Variants in CEP76 observed in about 807,000 individuals in gnomAD.
CEP76 encodes the protein centrosomal protein 76.
A neutral mutation model predicts 83.3 loss-of-function variants in CEP76; 55 were observed. The observed-to-expected ratio is 0.66, with a 90% confidence interval of 0.53 to 0.83. CEP76 has a LOEUF of 0.83. Ranked by LOEUF, CEP76 falls within the 40% of genes least tolerant of loss-of-function variation. The probability of loss-of-function intolerance (pLI) is 0.00; values close to 1 mark genes in which losing one functional copy is unlikely to be tolerated. For synonymous variants in CEP76, 270 were observed against 274.5 expected (o/e 0.98, Z 0.16); for missense variants, 694 against 799.5 (o/e 0.87, Z 1.59).
chr18:12,695,225 CA>C, intron 6 of CEP76, 28 bp downstream of exon 6: 9 of 1,042,170 alleles, frequency 8.6e-6, no homozygotes, highest in South Asian at 6.7e-5. Flanking sequence ...AACAAACACA[CA>C]AAAAAAGAGA....
intron 7 of CEP76, among the ~76,000 whole-genome samples, chr18:12,689,575 T>C (rs925876091): frequency 3.5e-5 from 5 of 143,120 alleles, no homozygotes; most frequent in African/African-American, 1.2e-4. Flanking sequence ...GAGGAAGTCG[T>C]TTAAGTAATA....
At chr18:12,687,169 T>C (rs1355336126) in intron 7 of CEP76, among the ~76,000 whole-genome samples, 1 of 152,128 alleles carries the variant, frequency 6.6e-6, no homozygotes, top group African/African-American at 2.4e-5. Context: ...GGCCACTTAC[T>C]ATTCAAGATT....
rs1156259925 is a variant in CEP76 at position 12,699,853 on chromosome 18, T to A, written c.272A>T (p.Asp91Val). The change falls in exon 3 of 12, where the codon GAT becomes GTT. Residue 91 changes from aspartate to valine, a missense_variant. Asp to Val is a radical substitution (Grantham distance 152, BLOSUM62 -3). Coordinates refer to ENST00000262127, the MANE Select transcript of CEP76 (RefSeq NM_024899.4). ...ACTTTTTTTTAATGTCGATTGTCTA[T>A]CAAAACAAATAGGTTGTTTTGGAGA... ...PSSPKQPICF[D>V]RQSTLKKTNI... 6.3e-7 allele frequency: 1 copy of A among 1,587,574 alleles called. No homozygotes were observed. Among genetic ancestry groups the A allele is most frequent in the Admixed American group, 1.7e-5 (1 of 57,328 alleles).
chr18:12,700,412 T>G lies in CEP76; in HGVS notation c.220-507A>C, dbSNP rs1386451428. The G allele has an allele frequency of 2.0e-5, 3 of 152,720 alleles. No homozygotes were observed. In the East Asian group the frequency reaches 5.8e-4, roughly 29 times the overall value. The allele number at this position is 152,720 out of a possible 1,614,324, so 9.5% of individuals were successfully genotyped here. ...ACATTATATTACCCAGGTATTGAGG[T>G]CACAGTTTCCATTATTGCCTCACTT... is the stretch of plus-strand genomic sequence containing the variant. On this transcript the variant is annotated intron_variant, in intron 2 of 11. Transcript: ENST00000262127.
Position 12,699,893 on chromosome 18 carries a change from G to C in CEP76, c.232C>G (p.Gln78Glu), listed in dbSNP as rs1332707083. The C allele has an allele frequency of 4.4e-6, 7 of 1,593,802 alleles. No homozygotes were observed. The highest frequency in any genetic ancestry group is 3.5e-5 in the Admixed American group (2 of 57,642). ...ELNFVTDSVE[Q>E]ELPSSPKQPI... Reference sequence around the variant, plus strand: ...TGTTTTGGAGAGGAAGGGAGTTCTTGCTCAACACTGTCCTAGAAAGGCAGG... The same window carrying C: ...TGTTTTGGAGAGGAAGGGAGTTCTTCCTCAACACTGTCCTAGAAAGGCAGG... Residue 78 changes from glutamine (Q) to glutamate (E), a missense_variant, in exon 3 of 12, where the codon CAA (glutamine) becomes GAA (glutamate). Coordinates refer to ENST00000262127, the MANE Select transcript of CEP76 (RefSeq NM_024899.4).
downstream of CEP76, among the ~76,000 whole-genome samples, chr18:12,668,597 C>CAAAAAAAAAAAAAAAAAAAAAAAA: frequency 1.4e-5 from 1 of 72,836 alleles, no homozygotes. Context: ...GATTCCATCT[C>CAAAAAAAAAAAAAAAAAAAAAAAA]AAAAAAAAAA....
At position 12,672,970 on chromosome 18, in the gene CEP76, T is replaced by C; in HGVS notation, c.*395A>G. On this transcript the variant is annotated 3_prime_UTR_variant, in exon 12 of 12. Transcript: ENST00000262127. ...CCTAATCTGTATAAAATAATTCCAT[T>C]AACCTGTGAAAAGTAATGATCATAC... 5 of 986,982 alleles carry C rather than the reference T, an allele frequency of 5.1e-6. No homozygotes were observed. Among genetic ancestry groups the C allele is most frequent in the Non-Finnish European group, 6.0e-6 (5 of 830,598 alleles). 61.1% of individuals were successfully genotyped at this position (986,982 alleles called of 1,614,324 possible). A position where few individuals can be genotyped will look rare whatever the true frequency, so the allele number is the denominator to read the frequency against.
intron 10 of CEP76, among the ~76,000 whole-genome samples, chr18:12,677,072 G>C (rs753181644): frequency 6.6e-6 from 1 of 152,158 alleles, no homozygotes; most frequent in South Asian, 2.1e-4. Context: ...AAGTCTTTAA[G>C]ATACATTAAT....
intron 8 of CEP76, chr18:12,685,495 G>GT (rs2039509891): frequency 1.3e-5 from 2 of 152,160 alleles, no homozygotes; most frequent in Non-Finnish European, 2.9e-5. Context: ...AAGATGCTGA[G>GT]TTTTTTGTGT....
At chr18:12,698,939 G>A in intron 4 of CEP76, 40 bp downstream of exon 4, 2 of 1,358,100 alleles carry the variant, frequency 1.5e-6, no homozygotes, top group Non-Finnish European at 2.1e-6. Flanking sequence ...ACATAACAAA[G>A]ATTTACTCAA....
intron 11 of CEP76, 46 bp from the exon 12 acceptor site, chr18:12,673,549 C>A: frequency 7.1e-7 from 1 of 1,405,078 alleles, no homozygotes; most frequent in Admixed American, 2.5e-5. Context: ...TGACCATACA[C>A]TTTAATTCCT....
intron 1 of CEP76, among the ~76,000 whole-genome samples, chr18:12,702,231 G>A (rs115342350): frequency 1.3e-5 from 2 of 152,278 alleles, no homozygotes; most frequent in Admixed American, 6.5e-5. Context: ...CATTCTCACG[G>A]CCGTCCTAAA....
At position 12,673,309 on chromosome 18, in the gene CEP76, T is replaced by C; in HGVS notation, c.*56A>G. Reference sequence around the variant, plus strand: ...CAAACCTCTAAATAGCTAAGTAATGTACAATGTGTAAAATTCCAATTAAAC... The same window carrying C: ...CAAACCTCTAAATAGCTAAGTAATGCACAATGTGTAAAATTCCAATTAAAC... On this transcript the variant is annotated 3_prime_UTR_variant, in exon 12 of 12. Transcript: ENST00000262127. The C allele has an allele frequency of 6.4e-7, 1 of 1,559,176 alleles. No homozygotes were observed. The highest frequency in any genetic ancestry group is 1.2e-5 in the South Asian group (1 of 83,028).
intron 5 of CEP76, 129 bp from the exon 6 acceptor site, chr18:12,695,480 C>T: frequency 2.2e-6 from 1 of 465,036 alleles, no homozygotes. Flanking sequence ...TAACATTCAA[C>T]ATTACCTTTA....
chr18:12,680,495 C>T (rs367561574), intron 9 of CEP76, among the ~76,000 whole-genome samples, 167 bp downstream of exon 9: 50 of 148,988 alleles, frequency 3.4e-4, no homozygotes, highest in African/African-American at 1.1e-3. Flanking sequence ...ACTTGGGAGG[C>T]TGAGACAGGA....
At chr18:12,688,592 A>C (rs1368650865) in intron 7 of CEP76, among the ~76,000 whole-genome samples, 2 of 152,238 alleles carry the variant, frequency 1.3e-5, no homozygotes, top group African/African-American at 4.8e-5. Flanking sequence ...TTCTAATATT[A>C]TCTAAATATA....
chr18:12,697,083 G>A, intron 5 of CEP76, 140 bp downstream of exon 5: 1 of 568,068 alleles, frequency 1.8e-6, no homozygotes, highest in Non-Finnish European at 3.0e-6. Context: ...TTAGGATGCT[G>A]AGGTCCAATT....
chr18:12,699,323 CAA>C (rs1329529937), intron 3 of CEP76, 120 bp from the exon 4 acceptor site: 2 of 669,966 alleles, frequency 3.0e-6, no homozygotes, highest in African/African-American at 1.8e-5. Context: ...AAAAAAAAAG[CAA>C]AAGAGTAACA....
chr18:12,693,001 T>G (rs1052815909), intron 6 of CEP76, among the ~76,000 whole-genome samples: 4 of 152,138 alleles, frequency 2.6e-5, no homozygotes, highest in African/African-American at 9.7e-5. Flanking sequence ...TTTTAAAAAT[T>G]TTTGTAGAGA....
Sources: gnomAD v4.1 joint callset for allele counts (sites outside exome capture counted in the v4.1 genomes callset) on GRCh38, gnomAD v4.1.1 for gene constraint, MANE v1.5 for transcripts, NCBI Gene and HGNC (gene_info 2026-07-23, HGNC 2026-07-21) for gene names.